ABCA13: variants seen among roughly 807,000 people sequenced by gnomAD.
The protein encoded by ABCA13 is ATP binding cassette subfamily A member 13.
ABCA13 carries 476 observed loss-of-function variants against 478.7 expected under a neutral mutation model. The ratio of observed to expected loss-of-function variants is 0.99; its 90% CI spans 0.92 to 1.07. ABCA13 has a LOEUF of 1.07. Among genes scored for constraint, ABCA13 ranks in the 50% least tolerant of loss-of-function variants. The pLI, the probability that ABCA13 is intolerant of heterozygous loss-of-function variation, is 0.00. For missense variants in ABCA13, 6,060 were observed against 5,910.6 expected (o/e 1.03, Z -0.83); for synonymous variants, 2,252 against 2,158.9 (o/e 1.04, Z -1.20).
chr7:48,362,743 A>G (rs1391068382), intron 31 of ABCA13, among the ~76,000 whole-genome samples: 2 of 151,956 alleles, frequency 1.3e-5, no homozygotes, highest in Non-Finnish European at 2.9e-5. Flanking sequence ...ACAAGCAATA[A>G]AAACTTAAAA....
At chr7:48,335,895 A>G (rs1418448862) in intron 28 of ABCA13, among the ~76,000 whole-genome samples, 1 of 152,202 alleles carries the variant, frequency 6.6e-6, no homozygotes, top group Non-Finnish European at 1.5e-5. Context: ...TATTTTTAAA[A>G]GGAACGACTT....
At chr7:48,294,001 G>A (rs949384920) in intron 20 of ABCA13, among the ~76,000 whole-genome samples, 9 of 152,110 alleles carry the variant, frequency 5.9e-5, no homozygotes, top group African/African-American at 2.2e-4. Context: ...CCTCACATAG[G>A]AATAGCCACA....
chr7:48,362,765 A>T (rs535249306), intron 31 of ABCA13, among the ~76,000 whole-genome samples: 171 of 151,826 alleles, frequency 1.1e-3, no homozygotes, highest in African/African-American at 3.6e-3. Context: ...ATGTTCTCTT[A>T]TTTCATCATA....
chr7:48,624,099 T>TGTGTGG (rs898469741), intron 59 of ABCA13, among the ~76,000 whole-genome samples: 13 of 149,672 alleles, frequency 8.7e-5, no homozygotes, highest in African/African-American at 3.2e-4. Flanking sequence ...TGTGTGTGTG[T>TGTGTGG]GGCTCAGTTA....
intron 31 of ABCA13, among the ~76,000 whole-genome samples, chr7:48,353,989 G>A (rs560002619): frequency 1.1e-4 from 16 of 152,100 alleles, no homozygotes; most frequent in Middle Eastern, 3.4e-3. Flanking sequence ...TGCTCCTAAA[G>A]CATGTTTCTT....
chr7:48,393,981 A>G (rs570762360), intron 38 of ABCA13, among the ~76,000 whole-genome samples: 7 of 152,154 alleles, frequency 4.6e-5, no homozygotes, highest in African/African-American at 1.7e-4. Context: ...TCACTTCTGC[A>G]AAGCTTATCT....
chr7:48,567,112 C>G (rs904229872), intron 55 of ABCA13, among the ~76,000 whole-genome samples: 5 of 152,158 alleles, frequency 3.3e-5, no homozygotes, highest in African/African-American at 1.2e-4. Context: ...AGTAAAGGTT[C>G]TTCATTTGTT....
intron 20 of ABCA13, 21 bp from the exon 21 acceptor site, chr7:48,295,679 T>C (rs1029335138): frequency 2.5e-6 from 4 of 1,613,682 alleles, no homozygotes; most frequent in Admixed American, 1.7e-5. Context: ...TTCTAACCTA[T>C]ATCATTGCTA....
intron 1 of ABCA13, 54 bp from the exon 2 acceptor site, chr7:48,192,905 T>C (rs1360187715): frequency 4.5e-6 from 6 of 1,344,218 alleles, no homozygotes; most frequent in African/African-American, 4.5e-5. Flanking sequence ...GATGAAAATA[T>C]TGTAATACCT....
chr7:48,224,513 T>G (rs904386580), intron 5 of ABCA13, among the ~76,000 whole-genome samples: 1 of 152,186 alleles, frequency 6.6e-6, no homozygotes, highest in Non-Finnish European at 1.5e-5. Context: ...CTTTCCCCAC[T>G]GCAACATGGA....
chr7:48,548,065 G>T (rs998961498), intron 55 of ABCA13, among the ~76,000 whole-genome samples: 31 of 151,908 alleles, frequency 2.0e-4, no homozygotes, highest in Non-Finnish European at 3.8e-4. Flanking sequence ...CAACAAGGTT[G>T]ATGCATAGCT....
intron 42 of ABCA13, among the ~76,000 whole-genome samples, chr7:48,436,459 A>G (rs1822847712): frequency 6.6e-6 from 1 of 151,672 alleles, no homozygotes; most frequent in Non-Finnish European, 1.5e-5. Flanking sequence ...TATCTTTTTT[A>G]AAGAACAAAT....
chr7:48,204,336 A>C (rs531061919), intron 3 of ABCA13, among the ~76,000 whole-genome samples: 1 of 151,512 alleles, frequency 6.6e-6, no homozygotes, highest in African/African-American at 2.4e-5. Context: ...CAACCTCCTG[A>C]GTAGCTGGGA....
intron 15 of ABCA13, among the ~76,000 whole-genome samples, chr7:48,258,354 A>T (rs1401571834): frequency 6.6e-6 from 1 of 151,958 alleles, no homozygotes; most frequent in African/African-American, 2.4e-5. Flanking sequence ...CTTTCAGTTT[A>T]TGTAGTTTGT....
chr7:48,321,280 G>A (rs1354218318), intron 27 of ABCA13, among the ~76,000 whole-genome samples: 2 of 152,212 alleles, frequency 1.3e-5, no homozygotes, highest in South Asian at 2.1e-4. Context: ...GGCTTACAAT[G>A]TTAGTGGTGC....
intron 15 of ABCA13, among the ~76,000 whole-genome samples, chr7:48,264,412 A>G (rs1028648610): frequency 6.6e-6 from 1 of 151,882 alleles, no homozygotes; most frequent in Non-Finnish European, 1.5e-5. Context: ...AGTGCATGAG[A>G]GTTAAAATAC....
intron 15 of ABCA13, among the ~76,000 whole-genome samples, chr7:48,262,382 T>C (rs528464708): frequency 6.6e-6 from 1 of 151,982 alleles, no homozygotes; most frequent in South Asian, 2.1e-4. Flanking sequence ...TAGTTCAACC[T>C]CTCATGCTTA....
intron 20 of ABCA13, among the ~76,000 whole-genome samples, chr7:48,294,436 T>G (rs56815875): frequency 0.5 from 68,102 of 137,540 alleles, 17,696 homozygotes; most frequent in East Asian, 0.83. Context: ...TTTTTTTTTT[T>G]TTTTTGTTTT....
chr7:48,244,846 C>T lies in ABCA13; in HGVS notation c.1390+143C>T, dbSNP rs1311460434. ...GTCATATGCATATTTATGCTTTACT[C>T]TGATGCCTTCTAGGGGATTTAAAAT... is the stretch of plus-strand genomic sequence containing the variant. On this transcript the variant is annotated intron_variant, in intron 11 of 61. Transcript: ENST00000435803. 4 of 1,015,708 alleles carry T rather than the reference C, an allele frequency of 3.9e-6. No individual in the cohort carries two copies. The East Asian group carries it at 7.4e-5, about 19-fold the overall frequency. 62.9% of individuals were successfully genotyped at this position (1,015,708 alleles called of 1,614,324 possible).
Sources: allele counts gnomAD v4.1 joint callset (sites outside exome capture counted in the v4.1 genomes callset), GRCh38; gene constraint gnomAD v4.1.1; transcripts MANE v1.5; gene names NCBI Gene and HGNC (gene_info 2026-07-23, HGNC 2026-07-21).